The following LPP variants were observed in gnomAD, a reference collection of about 807,000 sequenced individuals.
LPP encodes the protein lipoma-preferred partner.
Under a neutral mutation model 60.4 loss-of-function variants are expected in LPP, and 38 were observed. That is an observed-to-expected ratio of 0.63 (90% confidence interval 0.49 to 0.83). The LOEUF (loss-of-function observed/expected upper bound fraction) is 0.83. Among genes scored for constraint, LPP ranks in the 40% least tolerant of loss-of-function variants. LPP has a pLI of 0.00. For missense variants in LPP, 902 were observed against 783.6 expected, an observed-to-expected ratio of 1.15 and a Z score of -1.80; for synonymous variants, 328 against 290.8, an observed-to-expected ratio of 1.13 and a Z score of -1.30.
chr3:188,163,446 G>A (rs1718932213), intron 1 of LPP, among the ~76,000 whole-genome samples: 1 of 152,172 alleles, frequency 6.6e-6, no homozygotes, highest in Admixed American at 6.5e-5. Flanking sequence ...CTGTCAACTT[G>A]CAGAGGACTT....
intron 9 of LPP, among the ~76,000 whole-genome samples, chr3:188,828,609 T>C (rs138696903): frequency 1.2e-3 from 65 of 52,890 alleles, no homozygotes; most frequent in African/African-American, 4.4e-3. Context: ...AGCGAAACTC[T>C]GTCTCAAAAA....
chr3:188,266,749 C>T (rs1361421721), intron 2 of LPP, among the ~76,000 whole-genome samples: 3 of 152,016 alleles, frequency 2.0e-5, no homozygotes, highest in African/African-American at 4.8e-5. Context: ...TATTGCCATG[C>T]GGGTGGCTCT....
At chr3:188,560,743 A>G (rs955062786) in intron 6 of LPP, among the ~76,000 whole-genome samples, 30 of 152,126 alleles carry the variant, frequency 2.0e-4, no homozygotes, top group Non-Finnish European at 3.8e-4. Context: ...TGAAGTAGTA[A>G]CATTTCTGAG....
intron 9 of LPP, among the ~76,000 whole-genome samples, chr3:188,761,227 T>C (rs1016113456): frequency 1.3e-5 from 2 of 152,210 alleles, no homozygotes; most frequent in Admixed American, 1.3e-4. Flanking sequence ...TACCAAGGTA[T>C]TGGGAGTCAT....
intron 6 of LPP, among the ~76,000 whole-genome samples, chr3:188,571,997 T>C (rs956759817): frequency 6.6e-6 from 1 of 152,078 alleles, no homozygotes; most frequent in Non-Finnish European, 1.5e-5. Flanking sequence ...CTATGGAGAT[T>C]AGTGACTTGG....
intron 4 of LPP, among the ~76,000 whole-genome samples, chr3:188,432,607 T>C (rs1469852024): frequency 6.6e-6 from 1 of 151,754 alleles, no homozygotes; most frequent in Non-Finnish European, 1.5e-5. Flanking sequence ...GTTATCCTTG[T>C]GTTGGGGAGG....
At chr3:188,556,771 G>T (rs1829570512) in intron 6 of LPP, among the ~76,000 whole-genome samples, 1 of 93,012 alleles carries the variant, frequency 1.1e-5, no homozygotes, top group African/African-American at 3.1e-5. Context: ...GGCACTTCAG[G>T]CTTGAAATCC....
chr3:188,276,254 C>T (rs570490977), intron 2 of LPP, among the ~76,000 whole-genome samples: 5 of 152,330 alleles, frequency 3.3e-5, no homozygotes, highest in African/African-American at 9.6e-5. Flanking sequence ...TTCTCAGGCT[C>T]TTCTGTGTCT....
At chr3:188,779,329 A>G (rs578001480) in intron 9 of LPP, among the ~76,000 whole-genome samples, 1 of 152,316 alleles carries the variant, frequency 6.6e-6, no homozygotes, top group Non-Finnish European at 1.5e-5. Flanking sequence ...TATTTCATTT[A>G]GTACGATTGA....
intron 7 of LPP, among the ~76,000 whole-genome samples, chr3:188,672,699 G>A (rs1857185332): frequency 6.6e-6 from 1 of 152,098 alleles, no homozygotes; most frequent in Admixed American, 6.6e-5. Flanking sequence ...TTTGAAGATT[G>A]GTGCCTTTCA....
chr3:188,421,475 G>A (rs1787785098), intron 4 of LPP, among the ~76,000 whole-genome samples: 1 of 152,148 alleles, frequency 6.6e-6, no homozygotes, highest in African/African-American at 2.4e-5. Flanking sequence ...GTTTAATCAA[G>A]GCAGAAAGCA....
chr3:188,183,792 C>A (rs909047168), intron 1 of LPP, among the ~76,000 whole-genome samples: 2 of 152,104 alleles, frequency 1.3e-5, no homozygotes, highest in African/African-American at 2.4e-5. Context: ...CCATAAGTGG[C>A]AAGCTGGGAT....
chr3:188,485,717 A>T (rs982844700), intron 5 of LPP, among the ~76,000 whole-genome samples: 42 of 146,156 alleles, frequency 2.9e-4, no homozygotes, highest in African/African-American at 1.1e-3. Context: ...GAATGGCGTG[A>T]ACCCGGGAGG....
chr3:188,692,056 C>G (rs1862237857), intron 7 of LPP, among the ~76,000 whole-genome samples: 1 of 152,176 alleles, frequency 6.6e-6, no homozygotes, highest in South Asian at 2.1e-4. Context: ...CCTAGAGTGT[C>G]AGCATAGCCC....
chr3:188,600,595 G>A (rs944380972), intron 6 of LPP, among the ~76,000 whole-genome samples: 24 of 152,002 alleles, frequency 1.6e-4, no homozygotes, highest in East Asian at 9.6e-4. Context: ...AATTTTAAGC[G>A]TATAATTCAC....
intron 2 of LPP, among the ~76,000 whole-genome samples, chr3:188,269,362 C>T (rs747887283): frequency 5.9e-5 from 9 of 152,146 alleles, no homozygotes; most frequent in South Asian, 2.1e-4. Flanking sequence ...TTTCCTGCTC[C>T]GATCATTCTT....
intron 9 of LPP, among the ~76,000 whole-genome samples, chr3:188,861,918 T>C (rs1408993988): frequency 3.9e-5 from 6 of 152,202 alleles, no homozygotes; most frequent in African/African-American, 1.2e-4. Context: ...CATACTTTCA[T>C]TGGAGTAGCC....
At chr3:188,622,979 G>T (rs1002781656) in intron 7 of LPP, among the ~76,000 whole-genome samples, 1 of 141,956 alleles carries the variant, frequency 7.0e-6, no homozygotes, top group Admixed American at 7.4e-5. Context: ...AGTAAGCCCA[G>T]ATCACACCAC....
intron 3 of LPP, among the ~76,000 whole-genome samples, chr3:188,384,255 C>T (rs1200471888): frequency 6.6e-6 from 1 of 152,072 alleles, no homozygotes; most frequent in Admixed American, 6.6e-5. Context: ...TATTAACTCT[C>T]TGCCTGACCT....
Sources: gnomAD v4.1 joint callset for allele counts (sites outside exome capture counted in the v4.1 genomes callset) on GRCh38, gnomAD v4.1.1 for gene constraint, MANE v1.5 for transcripts, NCBI Gene and HGNC (gene_info 2026-07-23, HGNC 2026-07-21) for gene names.